Variants in GALNT14 observed in about 807,000 individuals in gnomAD.
The protein encoded by GALNT14 is UDP-GalNAc:polypeptide N-acetylgalactosaminyltransferase 14.
Under a neutral mutation model 77.5 loss-of-function variants are expected in GALNT14, and 60 were observed. That is an observed-to-expected ratio of 0.77 (90% CI 0.63 to 0.96). GALNT14 has a LOEUF of 0.96. Ranked by LOEUF, GALNT14 falls within the 40% of genes least tolerant of loss-of-function variation. The pLI is 0.00. For missense variants in GALNT14, 710 were observed against 731.0 expected (o/e 0.97, Z 0.33); for synonymous variants, 280 against 281.7 (o/e 0.99, Z 0.06).
chr2:30,954,145 G>A (rs940592384), intron 6 of GALNT14, among the ~76,000 whole-genome samples: 77 of 152,272 alleles, frequency 5.1e-4, no homozygotes, highest in African/African-American at 1.8e-3. Flanking sequence ...TGGAGAGGAG[G>A]GGAAGGGCAT....
chr2:30,921,689 G>A (rs559104081), intron 13 of GALNT14, among the ~76,000 whole-genome samples: 1 of 152,344 alleles, frequency 6.6e-6, no homozygotes, highest in South Asian at 2.1e-4. Context: ...TAGGGGCAGG[G>A]CTGCAGCCAG....
intron 6 of GALNT14, among the ~76,000 whole-genome samples, chr2:30,948,110 G>A (rs1056765628): frequency 1.3e-5 from 2 of 152,166 alleles, no homozygotes; most frequent in African/African-American, 4.8e-5. Context: ...ATACCTGGAC[G>A]TGCACACACA....
chr2:30,935,482 C>A (rs1665996841), intron 9 of GALNT14, among the ~76,000 whole-genome samples: 1 of 152,224 alleles, frequency 6.6e-6, no homozygotes, highest in Admixed American at 6.5e-5. Flanking sequence ...GAGGAACCTG[C>A]AGCCGAGATG....
At chr2:30,943,307 G>A (rs1666493188) in intron 8 of GALNT14, among the ~76,000 whole-genome samples, 1 of 152,220 alleles carries the variant, frequency 6.6e-6, no homozygotes, top group Non-Finnish European at 1.5e-5. Context: ...CAGGAGGGGA[G>A]CAGATTCCAA....
Position 30,912,263 on chromosome 2 carries a change from G to T in GALNT14, c.1460C>A (p.Pro487Gln), listed in dbSNP as rs1664411275. Residue 487 changes from proline to glutamine, a missense_variant, in exon 14 of 15, where the codon CCA becomes CAA. Transcript: ENST00000349752. ...LSVITLFPGA[P>Q]VVLVLCKNGD... ...ATTCTTGCAAAGGACAAGAACCACT[G>T]GGGCGCCAGGGAACAAGGTGATGAC... is the stretch of plus-strand genomic sequence containing the variant. 1 of 1,614,022 alleles carries T rather than the reference G, an allele frequency of 6.2e-7. No homozygotes were observed. Among genetic ancestry groups the T allele is most frequent in the African/African-American group, 1.3e-5 (1 of 74,918 alleles).
At chr2:30,903,481 C>T in the GALNT14 span, among the ~76,000 whole-genome samples, 1 of 152,252 alleles carries the variant, frequency 6.6e-6, no homozygotes, top group African/African-American at 2.4e-5. Context: ...TCCGGGCTTA[C>T]TTGCCTGGGT....
chr2:31,116,964 G>A (rs750726852), intron 1 of GALNT14, among the ~76,000 whole-genome samples: 6 of 152,046 alleles, frequency 3.9e-5, no homozygotes, highest in Non-Finnish European at 8.8e-5. Context: ...TTGAACCCAA[G>A]AGGCAGAGGT....
chr2:31,063,331 G>A (rs1462175832), intron 1 of GALNT14, among the ~76,000 whole-genome samples: 2 of 152,130 alleles, frequency 1.3e-5, no homozygotes, highest in South Asian at 2.1e-4. Flanking sequence ...TTTCCCCTTT[G>A]CTTGTTTTTG....
intron 1 of GALNT14, among the ~76,000 whole-genome samples, chr2:31,000,999 T>C (rs1050269838): frequency 3.3e-5 from 5 of 152,166 alleles, no homozygotes; most frequent in African/African-American, 1.2e-4. Context: ...GATAAATGAT[T>C]TGCCCAAGTT....
At chr2:30,937,717 T>G (rs1666139136) in intron 9 of GALNT14, among the ~76,000 whole-genome samples, 1 of 152,216 alleles carries the variant, frequency 6.6e-6, no homozygotes, top group Non-Finnish European at 1.5e-5. Flanking sequence ...AAAGCCAGGA[T>G]AATCTGCTAC....
At chr2:31,096,942 G>A (rs769694581) in intron 1 of GALNT14, among the ~76,000 whole-genome samples, 7 of 151,958 alleles carry the variant, frequency 4.6e-5, no homozygotes, top group African/African-American at 9.7e-5. Flanking sequence ...TCCTCTAATC[G>A]CGTCCCATTA....
intron 1 of GALNT14, among the ~76,000 whole-genome samples, chr2:31,001,709 A>G (rs1670378599): frequency 6.6e-6 from 1 of 152,164 alleles, no homozygotes; most frequent in African/African-American, 2.4e-5. Context: ...GGAAACTATA[A>G]ACAGATTTAG....
chr2:31,092,264 C>CATATAT (rs34314257), intron 1 of GALNT14, among the ~76,000 whole-genome samples: 23 of 147,254 alleles, frequency 1.6e-4, no homozygotes, highest in South Asian at 2.2e-4. Context: ...AACTCCCCTT[C>CATATAT]ATATATATAT....
chr2:31,118,681 T>G (rs1678237366), intron 1 of GALNT14, among the ~76,000 whole-genome samples: 1 of 152,146 alleles, frequency 6.6e-6, no homozygotes, highest in African/African-American at 2.4e-5. Context: ...GCATTTAATT[T>G]TGAAAGTTCT....
chr2:31,003,773 C>G (rs1290799820), intron 1 of GALNT14, among the ~76,000 whole-genome samples: 2 of 152,222 alleles, frequency 1.3e-5, no homozygotes, highest in Non-Finnish European at 2.9e-5. Context: ...ACTGAATGGA[C>G]AGAAGCCCGG....
intron 1 of GALNT14, among the ~76,000 whole-genome samples, chr2:31,068,360 G>A (rs1039119636): frequency 2.6e-5 from 4 of 151,844 alleles, no homozygotes; most frequent in Admixed American, 6.6e-5. Flanking sequence ...GGTGGTACAC[G>A]CCTGTAATCC....
Position 30,935,082 on chromosome 2 carries a change from C to T in GALNT14, c.932-2888G>A, listed in dbSNP as rs984943913. Among the ~76,000 whole-genome samples the T allele has an allele frequency of 6.6e-5, 10 of 152,168 alleles. 2 individuals are homozygous for T. The South Asian group carries it at 8.3e-4, about 13-fold the overall frequency. Reference sequence around the variant, plus strand: ...AGCATTAGCCATGGGAGGAAAATGACCCCTTCATTTACTTCTGGGCCAGGC... The same window carrying T: ...AGCATTAGCCATGGGAGGAAAATGATCCCTTCATTTACTTCTGGGCCAGGC... On this transcript the variant is annotated intron_variant, in intron 9 of 14. Coordinates refer to ENST00000349752, the MANE Select transcript of GALNT14 (RefSeq NM_024572.4).
At chr2:30,976,555 T>A (rs1393261960) in intron 2 of GALNT14, among the ~76,000 whole-genome samples, 1 of 152,030 alleles carries the variant, frequency 6.6e-6, no homozygotes, top group East Asian at 1.9e-4. Flanking sequence ...TGGCAGGACC[T>A]GTGTTAGCCG....
Position 31,053,807 on chromosome 2 carries a change from A to C in GALNT14, c.130-60800T>G, listed in dbSNP as rs530530234. On this transcript the variant is annotated intron_variant, in intron 1 of 14. Transcript: ENST00000349752. ...TAACGAGAGACATAGCAGGGCATCC[A>C]TATTTTACTGAGGACTAAATCTTTT... is the stretch of plus-strand genomic sequence containing the variant. Among the ~76,000 whole-genome samples the C allele has an allele frequency of 1.1e-4, 16 of 152,342 alleles. No homozygotes were observed. The East Asian group carries it at 3.1e-3, about 29-fold the overall frequency.
Sources: gnomAD v4.1 joint callset for allele counts (sites outside exome capture counted in the v4.1 genomes callset) on GRCh38, gnomAD v4.1.1 for gene constraint, MANE v1.5 for transcripts, NCBI Gene and HGNC (gene_info 2026-07-23, HGNC 2026-07-21) for gene names.